TMEM245: variants seen among roughly 807,000 people sequenced by gnomAD.
TMEM245 encodes transmembrane protein 245.
A neutral mutation model predicts 101.2 loss-of-function variants in TMEM245; 69 were observed. The observed-to-expected ratio is 0.68, with a 90% CI of 0.56 to 0.83. TMEM245 has a LOEUF of 0.83. TMEM245 is among the 40% of genes least tolerant of loss of function. The probability of loss-of-function intolerance (pLI) is 0.00; values close to 1 mark genes in which losing one functional copy is unlikely to be tolerated. For synonymous variants in TMEM245, 537 were observed against 449.8 expected, an observed-to-expected ratio of 1.19 and a Z score of -2.45; for missense variants, 1,075 against 1,092.8, an observed-to-expected ratio of 0.98 and a Z score of 0.23.
chr9:109,116,924 A>C (rs1830738142), intron 1 of TMEM245, among the ~76,000 whole-genome samples: 1 of 152,124 alleles, frequency 6.6e-6, no homozygotes, highest in Non-Finnish European at 1.5e-5. Flanking sequence ...GCTTGAGCAG[A>C]ATGCAATTCC....
intron 9 of TMEM245, among the ~76,000 whole-genome samples, chr9:109,066,770 G>C (rs1829182830): frequency 6.6e-6 from 1 of 151,748 alleles, no homozygotes; most frequent in South Asian, 2.1e-4. Context: ...AAAGTGTGAA[G>C]ATGGGCAGGG....
intron 11 of TMEM245, 35 bp downstream of exon 11, chr9:109,060,319 G>T: frequency 1.3e-6 from 2 of 1,491,224 alleles, no homozygotes; most frequent in Non-Finnish European, 1.9e-6. Flanking sequence ...GACTTTATTA[G>T]TTTACAACAG....
rs745660334 is a variant in TMEM245, at chr9:109,036,193, G to A, written c.2399+13C>T. The A allele has an allele frequency of 2.6e-6, 4 of 1,549,470 alleles. No homozygotes were observed. The African/African-American group carries it at 5.6e-5, about 22-fold the overall frequency. On this transcript the variant is annotated intron_variant, in intron 16 of 17. Coordinates refer to ENST00000374586, the MANE Select transcript of TMEM245 (RefSeq NM_032012.4). ...GGATGATTCACTAATAAGAAATTCT[G>A]TGGCTTACTTACCCTGATATGTCAG...
At chr9:109,038,779 T>G (rs376650952) in intron 14 of TMEM245, 1 of 152,204 alleles carries the variant, frequency 6.6e-6, no homozygotes, top group Non-Finnish European at 1.5e-5. Context: ...CAGACACATA[T>G]ATTTGGTGAC....
intron 1 of TMEM245, among the ~76,000 whole-genome samples, chr9:109,113,344 T>G (rs1264742050): frequency 1.3e-5 from 2 of 152,222 alleles, no homozygotes; most frequent in African/African-American, 4.8e-5. Context: ...CAACTTTATA[T>G]ATGTTTAGCC....
intron 14 of TMEM245, among the ~76,000 whole-genome samples, chr9:109,048,242 T>C (rs1360467567): frequency 2.6e-5 from 4 of 152,160 alleles, no homozygotes; most frequent in Non-Finnish European, 5.9e-5. Flanking sequence ...TTGGTGAAGA[T>C]CTTACCCAGG....
chr9:109,023,818 A>C (rs920039127), intron 17 of TMEM245, among the ~76,000 whole-genome samples: 4 of 150,720 alleles, frequency 2.7e-5, no homozygotes, highest in Non-Finnish European at 5.9e-5. Context: ...CCTAGGCGAC[A>C]GAGTGAGACT....
In TMEM245 at chr9:109,108,543, A is replaced by T. The variant is rs1297894213; in HGVS notation, c.607T>A (p.Leu203Met). ...WIWTLVVGYVLTVSFKWNAST... is the reference protein window; with the variant it reads ...WIWTLVVGYVMTVSFKWNAST... Reference sequence around the variant, plus strand: ...GCATTCCACTTGAATGAAACAGTCAACACATAGCCAACCACCAACGTCCAG... The same window carrying T: ...GCATTCCACTTGAATGAAACAGTCATCACATAGCCAACCACCAACGTCCAG... The change falls in exon 2 of 18, where the codon TTG becomes ATG. Residue 203 changes from leucine (L) to methionine (M), a missense_variant. Coordinates refer to ENST00000374586, the MANE Select transcript of TMEM245 (RefSeq NM_032012.4). The T allele has an allele frequency of 2.5e-6, 4 of 1,608,346 alleles. No homozygotes were observed. Among genetic ancestry groups the T allele is most frequent in the South Asian group, 1.1e-5 (1 of 89,506 alleles).
chr9:109,057,412 C>T, intron 11 of TMEM245, 90 bp from the exon 12 acceptor site: 2 of 1,458,074 alleles, frequency 1.4e-6, no homozygotes, highest in Non-Finnish European at 1.9e-6. Context: ...AGGTCCCCTT[C>T]ATCACTTCAG....
At chr9:109,100,003 A>G (rs1159622776) in intron 3 of TMEM245, among the ~76,000 whole-genome samples, 2 of 152,238 alleles carry the variant, frequency 1.3e-5, no homozygotes, top group African/African-American at 4.8e-5. Context: ...CTCAGCCTCC[A>G]GAACTGTGAG....
intron 14 of TMEM245, among the ~76,000 whole-genome samples, chr9:109,048,859 T>C (rs1196465159): frequency 6.6e-6 from 1 of 152,142 alleles, no homozygotes; most frequent in Non-Finnish European, 1.5e-5. Context: ...AACGAAAAAG[T>C]TTCTGGCCAG....
intron 7 of TMEM245, among the ~76,000 whole-genome samples, chr9:109,083,929 A>AAAAAAAAAAAAAG (rs1298306808): frequency 7.1e-6 from 1 of 140,210 alleles, no homozygotes. Context: ...AAAAAAAAAA[A>AAAAAAAAAAAAAG]CACCAGGCAT....
chr9:109,072,603 T>C (rs1005953877), intron 9 of TMEM245, among the ~76,000 whole-genome samples: 2 of 152,212 alleles, frequency 1.3e-5, no homozygotes, highest in African/African-American at 4.8e-5. Flanking sequence ...TCAGGTACCC[T>C]ACGGGTGGTG....
chr9:109,048,932 T>A (rs1468737761), intron 14 of TMEM245, among the ~76,000 whole-genome samples: 2 of 152,196 alleles, frequency 1.3e-5, no homozygotes, highest in Admixed American at 6.5e-5. Context: ...ATTTCCAGTA[T>A]CCAACCTACT....
Position 109,110,010 on chromosome 9 carries a change from C to T in TMEM245, c.580-1440G>A, listed in dbSNP as rs1353256900. Reference sequence around the variant, plus strand: ...TTTTCCAGACTGCCTTTAATAAGCACTAATTCTTTTATAATAAAAAGGACA... The same window carrying T: ...TTTTCCAGACTGCCTTTAATAAGCATTAATTCTTTTATAATAAAAAGGACA... On this transcript the variant is annotated intron_variant, in intron 1 of 17. Transcript: ENST00000374586. Among the ~76,000 whole-genome samples the T allele has an allele frequency of 2.0e-5, 3 of 152,064 alleles. No individual in the cohort carries two copies. The East Asian group carries it at 5.8e-4, about 29-fold the overall frequency.
intron 12 of TMEM245, among the ~76,000 whole-genome samples, chr9:109,054,658 G>A (rs562532639): frequency 6.6e-6 from 1 of 152,142 alleles, no homozygotes; most frequent in South Asian, 2.1e-4. Context: ...AAATATAAAG[G>A]TATGAGACTA....
chr9:109,108,424 A>T, intron 2 of TMEM245, 29 bp downstream of exon 2: 1 of 1,215,252 alleles, frequency 8.2e-7, no homozygotes, highest in Admixed American at 3.2e-5. Flanking sequence ...TAGACTTAAA[A>T]AAAAAAAAAA....
chr9:109,057,611 C>A (rs144255239), intron 11 of TMEM245, among the ~76,000 whole-genome samples: 1 of 151,912 alleles, frequency 6.6e-6, no homozygotes, highest in East Asian at 1.9e-4. Context: ...ATTAGCCAGG[C>A]GTGGTGGCAC....
chr9:109,044,853 G>T (rs905487201), intron 14 of TMEM245, among the ~76,000 whole-genome samples: 1 of 150,232 alleles, frequency 6.7e-6, no homozygotes, highest in Non-Finnish European at 1.5e-5. Flanking sequence ...TCCACCACCT[G>T]GGTTCAAGAG....
Sources: allele counts gnomAD v4.1 joint callset (sites outside exome capture counted in the v4.1 genomes callset), GRCh38; gene constraint gnomAD v4.1.1; transcripts MANE v1.5; gene names NCBI Gene and HGNC (gene_info 2026-07-23, HGNC 2026-07-21).